The following MITF variants were observed in gnomAD, a reference collection of about 807,000 sequenced individuals.
MITF encodes melanocyte inducing transcription factor, also known as microphthalmia-associated transcription factor.
Under a neutral mutation model 60.5 loss-of-function variants are expected in MITF, and 17 were observed. The ratio of observed to expected loss-of-function variants is 0.28; its 90% CI spans 0.19 to 0.42. The LOEUF is 0.42. Ranked by LOEUF, MITF falls within the 10% of genes least tolerant of loss-of-function variation. The pLI is 1.00. For synonymous variants in MITF, 260 were observed against 248.5 expected (o/e 1.05, Z -0.43); for missense variants, 622 against 683.5 (o/e 0.91, Z 1.00).
At chr3:69,960,656 A>G (rs994761596) in intron 9 of MITF, among the ~76,000 whole-genome samples, 9 of 152,288 alleles carry the variant, frequency 5.9e-5, no homozygotes, top group African/African-American at 2.2e-4. Context: ...ATTTTGCCAT[A>G]AAGCAAGGGT....
intron 2 of MITF, among the ~76,000 whole-genome samples, chr3:69,898,696 G>A (rs1012514687): frequency 1.3e-5 from 2 of 152,174 alleles, no homozygotes; most frequent in African/African-American, 4.8e-5. Flanking sequence ...GTTTTGAAAT[G>A]GAAGGTTATG....
chr3:69,776,542 T>C (rs1004245697), intron 1 of MITF, among the ~76,000 whole-genome samples: 1 of 152,168 alleles, frequency 6.6e-6, no homozygotes, highest in African/African-American at 2.4e-5. Flanking sequence ...TTAGTATGTG[T>C]CAAGTGTTGA....
intron 2 of MITF, among the ~76,000 whole-genome samples, chr3:69,917,005 C>A (rs2065348310): frequency 6.6e-6 from 1 of 152,124 alleles, no homozygotes. Context: ...ATGTTTAGTG[C>A]ATGTCTAGTA....
intron 9 of MITF, among the ~76,000 whole-genome samples, chr3:69,963,156 G>C (rs1263786981): frequency 6.6e-6 from 1 of 152,092 alleles, no homozygotes; most frequent in Non-Finnish European, 1.5e-5. Flanking sequence ...ACTAAGGTTA[G>C]GACTTCAACA....
chr3:69,913,053 G>A (rs1042685660), intron 2 of MITF, among the ~76,000 whole-genome samples: 2 of 151,934 alleles, frequency 1.3e-5, no homozygotes, highest in Non-Finnish European at 2.9e-5. Flanking sequence ...AAGTTGTCTA[G>A]GATATATTAT....
intron 1 of MITF, 83 bp from the exon 2 acceptor site, chr3:69,879,051 G>T (rs1040905586): frequency 2.8e-6 from 3 of 1,081,184 alleles, no homozygotes; most frequent in Non-Finnish European, 4.3e-6. Context: ...TTATAGTTTG[G>T]TGCAATTTAG....
intron 9 of MITF, among the ~76,000 whole-genome samples, 165 bp downstream of exon 9, chr3:69,959,585 A>C (rs533290131): frequency 6.6e-6 from 1 of 152,290 alleles, no homozygotes; most frequent in Admixed American, 6.5e-5. Flanking sequence ...TTGTAACCCC[A>C]AAGTCAGTAT....
At chr3:69,917,931 A>C (rs1559718964) in intron 2 of MITF, among the ~76,000 whole-genome samples, 2 of 152,158 alleles carry the variant, frequency 1.3e-5, no homozygotes, top group Non-Finnish European at 2.9e-5. Flanking sequence ...TTCCACTTTG[A>C]TCAATAGAAA....
intron 1 of MITF, among the ~76,000 whole-genome samples, chr3:69,775,945 C>A (rs753707647): frequency 6.6e-6 from 1 of 152,194 alleles, no homozygotes; most frequent in Non-Finnish European, 1.5e-5. Flanking sequence ...ACAGAGAAAG[C>A]GTGCATTGTT....
intron 2 of MITF, among the ~76,000 whole-genome samples, chr3:69,929,698 C>G (rs748730041): frequency 6.6e-6 from 1 of 151,864 alleles, no homozygotes; most frequent in Non-Finnish European, 1.5e-5. Flanking sequence ...CTTGATCTGA[C>G]AATATCACAA....
intron 2 of MITF, among the ~76,000 whole-genome samples, chr3:69,885,667 G>C: frequency 6.6e-6 from 1 of 152,060 alleles, no homozygotes. Context: ...AAAATTTTAT[G>C]GTGATGGGGA....
rs1034857321 is a variant in MITF at position 69,831,209 on chromosome 3, C to T, written c.105-47925C>T. On this transcript the variant is annotated intron_variant, in intron 1 of 9. Coordinates refer to ENST00000352241, the MANE Select transcript of MITF (RefSeq NM_001354604.2). ...TGTAATGTCTGGCACATGATGGGCA[C>T]GGAGTAAATGGCAGCCGTTAACAAT... Among the ~76,000 whole-genome samples the T allele has an allele frequency of 1.4e-4, 22 of 152,218 alleles. No homozygotes were observed. The South Asian group carries it at 1.5e-3, about 10-fold the overall frequency.
intron 8 of MITF, among the ~76,000 whole-genome samples, chr3:69,957,750 G>A (rs571925981): frequency 1.7e-3 from 253 of 152,322 alleles, no homozygotes; most frequent in Non-Finnish European, 2.9e-3. Flanking sequence ...TGCAGTGAAA[G>A]CCTCTATTTG....
chr3:69,907,416 G>A lies in MITF; in HGVS notation c.354+28033G>A, dbSNP rs115097743. Among the ~76,000 whole-genome samples, 1,298 of 152,220 alleles carry A rather than the reference G, an allele frequency of 8.5e-3. 17 individuals carry two copies. The highest frequency in any genetic ancestry group is 0.029 in the African/African-American group (1,221 of 41,542). On this transcript the variant is annotated intron_variant, in intron 2 of 9. Transcript: ENST00000352241. ...ATCTATGTACCAGGCATTGTTATAG[G>A]TGCCAGGGATATTGCAGCAGAACAA...
At chr3:69,779,687 C>CA (rs527451020) in intron 1 of MITF, among the ~76,000 whole-genome samples, 1 of 151,484 alleles carries the variant, frequency 6.6e-6, no homozygotes, top group African/African-American at 2.4e-5. Context: ...AATTGGGGGT[C>CA]AAAAAATATA....
In MITF at chr3:69,852,043, G is replaced by A. The variant is rs2063833068; in HGVS notation, c.105-27091G>A. ...CGGCAAACATATACAAACAATTTTA[G>A]GGTGATTTTAAGATTATAATTATAT... On this transcript the variant is annotated intron_variant, in intron 1 of 9. Coordinates refer to ENST00000352241, the MANE Select transcript of MITF (RefSeq NM_001354604.2). 2.6e-5 allele frequency among the ~76,000 whole-genome samples: 4 copies of A among 151,986 alleles called. No homozygotes were observed. In the South Asian group the frequency reaches 8.3e-4, roughly 32 times the overall value.
chr3:69,938,651 C>T (rs779112251), intron 3 of MITF: 324 of 1,335,094 alleles, frequency 2.4e-4, no homozygotes, highest in Admixed American at 4.0e-4. Context: ...GGATTGGAAA[C>T]AAGACTCAAA....
intron 1 of MITF, among the ~76,000 whole-genome samples, chr3:69,822,172 G>A (rs546433963): frequency 3.9e-5 from 6 of 152,290 alleles, no homozygotes; most frequent in African/African-American, 1.4e-4. Context: ...GCATCTTCAT[G>A]GATGCCCCTA....
intron 1 of MITF, among the ~76,000 whole-genome samples, chr3:69,824,191 C>G (rs1350190988): frequency 6.6e-6 from 1 of 152,102 alleles, no homozygotes; most frequent in African/African-American, 2.4e-5. Flanking sequence ...GAATGTACCC[C>G]AGGAAACAAG....
Sources: gnomAD v4.1 joint callset for allele counts (sites outside exome capture counted in the v4.1 genomes callset) on GRCh38, gnomAD v4.1.1 for gene constraint, MANE v1.5 for transcripts, NCBI Gene and HGNC (gene_info 2026-07-23, HGNC 2026-07-21) for gene names.